The following OLFM3 variants were observed in gnomAD, a reference collection of about 807,000 sequenced individuals.
The protein encoded by OLFM3 is noelin-3.
Under a neutral mutation model 48.6 loss-of-function variants are expected in OLFM3, and 20 were observed. That is an observed-to-expected ratio of 0.41 (90% CI 0.29 to 0.60). The LOEUF (loss-of-function observed/expected upper bound fraction) is 0.60. Ranked by LOEUF, OLFM3 falls within the 20% of genes least tolerant of loss-of-function variation. OLFM3 has a pLI of 0.28. For missense variants in OLFM3, 437 were observed against 544.3 expected, an observed-to-expected ratio of 0.80 and a Z score of 1.96; for synonymous variants, 222 against 198.1, an observed-to-expected ratio of 1.12 and a Z score of -1.01.
At chr1:101,933,374 A>G (rs929835427) in intron 1 of OLFM3, among the ~76,000 whole-genome samples, 3 of 152,032 alleles carry the variant, frequency 2.0e-5, no homozygotes, top group African/African-American at 7.2e-5. Flanking sequence ...AGAGCTCAAA[A>G]ACTGGTTCTC....
intron 1 of OLFM3, among the ~76,000 whole-genome samples, chr1:101,858,548 A>G (rs541548905): frequency 1.9e-4 from 29 of 151,984 alleles, no homozygotes; most frequent in Non-Finnish European, 4.1e-4. Context: ...CCCCACCCAA[A>G]TCTCGTATCA....
intron 1 of OLFM3, among the ~76,000 whole-genome samples, chr1:101,867,945 T>C (rs2100972126): frequency 6.6e-6 from 1 of 152,310 alleles, no homozygotes; most frequent in Admixed American, 6.5e-5. Context: ...CTGATGATTT[T>C]ATAAGGGGCT....
intron 1 of OLFM3, among the ~76,000 whole-genome samples, chr1:101,972,654 A>G (rs2101098160): frequency 6.6e-6 from 1 of 152,360 alleles, no homozygotes; most frequent in Non-Finnish European, 1.5e-5. Context: ...TTGAAGCACA[A>G]TCTAGCAGTT....
At chr1:101,951,092 A>T (rs1660132697) in intron 1 of OLFM3, among the ~76,000 whole-genome samples, 1 of 152,214 alleles carries the variant, frequency 6.6e-6, no homozygotes, top group African/African-American at 2.4e-5. Flanking sequence ...TTGCTTTGAC[A>T]GTCTAGCCAG....
At chr1:101,864,390 G>A (rs985145600) in intron 1 of OLFM3, among the ~76,000 whole-genome samples, 1 of 152,050 alleles carries the variant, frequency 6.6e-6, no homozygotes, top group African/African-American at 2.4e-5. Flanking sequence ...TCTTGTCTCT[G>A]TAGCTCAGCT....
chr1:101,911,334 C>T (rs553565119), intron 1 of OLFM3, among the ~76,000 whole-genome samples: 2 of 152,090 alleles, frequency 1.3e-5, no homozygotes, highest in South Asian at 4.2e-4. Flanking sequence ...AGAGTCAATA[C>T]CAGAAAAGCA....
At chr1:101,950,515 T>C (rs1660110379) in intron 1 of OLFM3, among the ~76,000 whole-genome samples, 1 of 151,422 alleles carries the variant, frequency 6.6e-6, no homozygotes, top group Admixed American at 6.6e-5. Flanking sequence ...CTCGGCTCAC[T>C]GCAAGCTCCG....
intron 1 of OLFM3, among the ~76,000 whole-genome samples, chr1:101,925,476 A>AGTGT (rs756706376): frequency 1.4e-3 from 216 of 149,820 alleles, no homozygotes; most frequent in Non-Finnish European, 2.4e-3. Context: ...TGTGTATGTG[A>AGTGT]GTGTGTGTGT....
chr1:101,817,914 T>A (rs566558909), intron 4 of OLFM3, among the ~76,000 whole-genome samples: 3 of 152,184 alleles, frequency 2.0e-5, no homozygotes, highest in African/African-American at 7.2e-5. Context: ...TCTAGCCTTA[T>A]GAGTTATATT....
chr1:101,846,707 A>C, intron 1 of OLFM3: 1 of 614,486 alleles, frequency 1.6e-6, no homozygotes, highest in Middle Eastern at 2.7e-4. Flanking sequence ...AATATGATGA[A>C]AGTTACCACA....
At chr1:101,807,467 T>A (rs1208384232) in intron 4 of OLFM3, among the ~76,000 whole-genome samples, 1 of 151,784 alleles carries the variant, frequency 6.6e-6, no homozygotes, top group Non-Finnish European at 1.5e-5. Flanking sequence ...TGGTTCTTGT[T>A]TTTTTGGAAA....
At chr1:101,901,534 G>A (rs530182107) in intron 1 of OLFM3, among the ~76,000 whole-genome samples, 1 of 152,128 alleles carries the variant, frequency 6.6e-6, no homozygotes, top group Non-Finnish European at 1.5e-5. Context: ...AAGATGACAG[G>A]GGACACTGTC....
At chr1:101,884,475 C>T (rs1657663458) in intron 1 of OLFM3, among the ~76,000 whole-genome samples, 1 of 151,258 alleles carries the variant, frequency 6.6e-6, no homozygotes, top group Non-Finnish European at 1.5e-5. Context: ...GTGCCCTATT[C>T]TGAAAAACAA....
intron 1 of OLFM3, among the ~76,000 whole-genome samples, chr1:101,965,478 C>T (rs931308469): frequency 6.6e-6 from 1 of 152,136 alleles, no homozygotes; most frequent in Non-Finnish European, 1.5e-5. Flanking sequence ...CTATTAGAAG[C>T]AGTTATTGTG....
intron 4 of OLFM3, among the ~76,000 whole-genome samples, 192 bp downstream of exon 4, chr1:101,824,834 A>G (rs1283635962): frequency 6.6e-6 from 1 of 152,220 alleles, no homozygotes; most frequent in Non-Finnish European, 1.5e-5. Context: ...GGCTCTAAAA[A>G]TCAAGAAACC....
At chr1:101,892,190 A>G (rs1055025602) in intron 1 of OLFM3, among the ~76,000 whole-genome samples, 8 of 152,040 alleles carry the variant, frequency 5.3e-5, no homozygotes, top group Admixed American at 1.3e-4. Context: ...TGTTAACACT[A>G]TACAGGTGTG....
chr1:101,948,796 A>G (rs549348778), intron 1 of OLFM3, among the ~76,000 whole-genome samples: 5 of 150,442 alleles, frequency 3.3e-5, no homozygotes, highest in African/African-American at 1.2e-4. Context: ...TTAGTAAAAT[A>G]GAAATGAGTC....
Position 101,804,463 on chromosome 1 carries a change from C to A in OLFM3, c.1152G>T (p.Leu384=). 1 of 1,612,538 alleles carries A rather than the reference C, an allele frequency of 6.2e-7. No individual in the cohort carries two copies. Among genetic ancestry groups the A allele is most frequent in the Non-Finnish European group, 8.5e-7 (1 of 1,179,044 alleles). ...CAGTTAAGTGGGAGTTGGTGACATA[C>A]AGTGTCCCACAGATCATGAAAGATT... ...AGESFMICGT[L]YVTNSHLTGA... is the part of the protein sequence containing the mutation. The change falls in exon 6 of 6, where the codon CTG becomes CTT. Residue 384 remains leucine (L), a synonymous_variant. Transcript: ENST00000370103. The surrounding 1 kb of genome is among the most constrained non-coding windows in gnomAD (Gnocchi z 4.5).
At chr1:101,870,476 T>C (rs1657035773) in intron 1 of OLFM3, among the ~76,000 whole-genome samples, 1 of 152,164 alleles carries the variant, frequency 6.6e-6, no homozygotes. Context: ...GCAGTACCAG[T>C]ATTTGAGATT....
Sources: gnomAD v4.1 joint callset for allele counts (sites outside exome capture counted in the v4.1 genomes callset) on GRCh38, gnomAD v4.1.1 for gene constraint, Gnocchi (gnomAD v3.1) non-coding constraint, MANE v1.5 for transcripts, NCBI Gene and HGNC (gene_info 2026-07-23, HGNC 2026-07-21) for gene names.